SCNN1A: variants seen among roughly 807,000 people sequenced by gnomAD.
The protein encoded by SCNN1A is epithelial sodium channel subunit alpha.
In SCNN1A, 65 loss-of-function variants were observed where a neutral mutation model predicts 68.6. The observed-to-expected ratio is 0.95, with a 90% CI of 0.78 to 1.16. The LOEUF (loss-of-function observed/expected upper bound fraction) is 1.16. Ranked by LOEUF, SCNN1A falls within the 50% of genes most tolerant of loss-of-function variation. The pLI is 0.00. For synonymous variants in SCNN1A, 357 were observed against 353.3 expected, an observed-to-expected ratio of 1.01 and a Z score of -0.12; for missense variants, 880 against 865.9, an observed-to-expected ratio of 1.02 and a Z score of -0.20.
intron 4 of SCNN1A, among the ~76,000 whole-genome samples, chr12:6,358,303 G>T (rs1329425049): frequency 1.3e-5 from 2 of 152,186 alleles, no homozygotes; most frequent in African/African-American, 4.8e-5. Context: ...AGGAGGTAGA[G>T]AATTTAGAAC....
chr12:6,357,594 C>T (rs1948518657), intron 4 of SCNN1A, among the ~76,000 whole-genome samples: 1 of 151,772 alleles, frequency 6.6e-6, no homozygotes, highest in Non-Finnish European at 1.5e-5. Flanking sequence ...AGATCTATAA[C>T]ACAATACCAT....
At position 6,347,979 on chromosome 12, in the gene SCNN1A, G is replaced by A. The variant is rs1452831950; in HGVS notation, c.1904C>T (p.Pro635Leu). 6.4e-7 allele frequency: 1 copy of A among 1,569,248 alleles called. No homozygotes were observed. Among genetic ancestry groups the A allele is most frequent in the Non-Finnish European group, 8.7e-7 (1 of 1,153,714 alleles). The part of the protein sequence containing the change: ...SLSQPGPAPS[P>L]ALTAPPPAYA... The stretch of plus-strand genomic sequence containing the variant: ...GGCAGGGGGAGGGGCTGTCAAGGCT[G>A]GAGAGGGAGCAGGGCCTGGCTGGGA... Residue 635 changes from proline to leucine, a missense_variant, in exon 13 of 13, where the codon CCA (proline) becomes CTA (leucine). This residue lies in a region of SCNN1A where 758 missense variants were observed against 721.8 expected (regional missense o/e 1.05). Coordinates refer to ENST00000228916, the MANE Select transcript of SCNN1A (RefSeq NM_001038.6).
chr12:6,348,386 C>T, intron 12 of SCNN1A, 133 bp from the exon 13 acceptor site: 3 of 1,529,082 alleles, frequency 2.0e-6, no homozygotes, highest in Admixed American at 2.0e-5. Flanking sequence ...AGCCTCTCAG[C>T]AGCCCCCTGG....
chr12:6,356,313 G>T, intron 4 of SCNN1A: 1 of 246,406 alleles, frequency 4.1e-6, no homozygotes, highest in South Asian at 5.2e-5. Flanking sequence ...GTTCCCCATT[G>T]AATCATGAGC....
chr12:6,350,229 G>A (rs1182565658), intron 8 of SCNN1A, among the ~76,000 whole-genome samples: 5 of 146,478 alleles, frequency 3.4e-5, no homozygotes, highest in Non-Finnish European at 7.5e-5. Context: ...TCAAGAGATC[G>A]AGACCATCCT....
chr12:6,375,747 G>A, upstream of SCNN1A: 1 of 1,414,652 alleles, frequency 7.1e-7, no homozygotes, highest in Non-Finnish European at 9.2e-7. Flanking sequence ...AAGGAGGCTG[G>A]GGGACAGGAT....
intron 2 of SCNN1A, among the ~76,000 whole-genome samples, chr12:6,371,218 C>G (rs990758449): frequency 6.6e-6 from 1 of 152,048 alleles, no homozygotes; most frequent in Non-Finnish European, 1.5e-5. Context: ...AACCGATCTC[C>G]TCGGTAGGAG....
At chr12:6,357,339 T>C (rs545588475) in intron 4 of SCNN1A, among the ~76,000 whole-genome samples, 33 of 151,934 alleles carry the variant, frequency 2.2e-4, no homozygotes, top group South Asian at 8.3e-4. Flanking sequence ...TTTGGGAGGC[T>C]GAGACAGGTG....
upstream of SCNN1A, chr12:6,377,156 C>T (rs1362507535): frequency 9.8e-7 from 1 of 1,021,136 alleles, no homozygotes; most frequent in South Asian, 1.5e-5. Context: ...AGGGTCCAAC[C>T]TGGTCTGTGG....
In SCNN1A at chr12:6,360,866, C is replaced by T. The variant is rs552850279; in HGVS notation, c.875+1185G>A. Among the ~76,000 whole-genome samples the T allele has an allele frequency of 1.4e-3, 212 of 152,344 alleles. 1 individual carries two copies. In the Middle Eastern group the frequency reaches 0.02, roughly 15 times the overall value. ...TTGCAAGGACATTATAACAGGGGTC[C>T]TCACAGAATGAATACCCGAGGGGTA... On this transcript the variant is annotated intron_variant, in intron 4 of 12. Coordinates refer to ENST00000228916, the MANE Select transcript of SCNN1A (RefSeq NM_001038.6).
intron 1 of SCNN1A, chr12:6,375,199 ACTCCCTCTCT>A: frequency 7.0e-7 from 1 of 1,437,030 alleles, no homozygotes; most frequent in Non-Finnish European, 9.1e-7. Flanking sequence ...CCTGCCTCTC[ACTCCCTCTCT>A]ATCTGCCTTC....
intron 9 of SCNN1A, 46 bp downstream of exon 9, chr12:6,349,281 T>G: frequency 6.2e-7 from 1 of 1,613,292 alleles, no homozygotes; most frequent in Non-Finnish European, 8.5e-7. Context: ...CTTGGCTCGG[T>G]AACCTGTATT....
upstream of SCNN1A, among the ~76,000 whole-genome samples, chr12:6,376,557 G>A (rs1948913525): frequency 6.6e-6 from 1 of 152,242 alleles, no homozygotes; most frequent in South Asian, 2.1e-4. Flanking sequence ...GCCTAGACAG[G>A]CCCTGGGAGG....
chr12:6,375,534 C>T lies in SCNN1A; in HGVS notation c.-84G>A, dbSNP rs1948889715. 1 of 1,535,094 alleles carries T rather than the reference C, an allele frequency of 6.5e-7. No homozygotes were observed. The highest frequency in any genetic ancestry group is 2.0e-5 in the Admixed American group (1 of 50,934). On this transcript the variant is annotated 5_prime_UTR_variant, in exon 1 of 13. Transcript: ENST00000228916. ...CAGGTGCAGCGGCCTGGCTGGGGAGCCCGCCCGCTGGCCGGCCAGGGATGG... is the reference window on the plus strand; with the variant it reads ...CAGGTGCAGCGGCCTGGCTGGGGAGTCCGCCCGCTGGCCGGCCAGGGATGG...
At chr12:6,359,274 A>G (rs6489712) in intron 4 of SCNN1A, among the ~76,000 whole-genome samples, 1 of 152,060 alleles carries the variant, frequency 6.6e-6, no homozygotes, top group Non-Finnish European at 1.5e-5. Context: ...AAGTGTTATT[A>G]AAAAAAGATT....
upstream of SCNN1A, chr12:6,376,037 AG>A (rs1948902868): frequency 1.0e-6 from 1 of 992,158 alleles, no homozygotes; most frequent in African/African-American, 1.7e-5. Flanking sequence ...AAGGAGAGCA[AG>A]GGGGGAGTCC....
At chr12:6,352,356 T>C (rs888506945) in intron 8 of SCNN1A, among the ~76,000 whole-genome samples, 4 of 152,186 alleles carry the variant, frequency 2.6e-5, no homozygotes, top group African/African-American at 9.7e-5. Flanking sequence ...TCCTTCTTCA[T>C]TTCTGACCCA....
At chr12:6,363,419 G>T in intron 3 of SCNN1A, 24 bp downstream of exon 3, 1 of 1,508,684 alleles carries the variant, frequency 6.6e-7, no homozygotes, top group East Asian at 2.5e-5. Context: ...GGCGGGGCGG[G>T]CCCCTCGGCG....
rs766654014 is a variant in SCNN1A at position 6,347,322 on chromosome 12, C to A, written c.*551G>T. ...TTTACTTACCCGGGTCTGCTCTAGC[C>A]CTAGCCCTCGGGAGTCAGGGAAGGG... On this transcript the variant is annotated 3_prime_UTR_variant, in exon 13 of 13. Transcript: ENST00000228916. 1 of 165,594 alleles carries A rather than the reference C, an allele frequency of 6.0e-6. No individual in the cohort carries two copies. The highest frequency in any genetic ancestry group is 2.4e-5 in the African/African-American group (1 of 41,592). 10.3% of individuals were successfully genotyped at this position (165,594 alleles called of 1,614,324 possible).
Sources: allele counts gnomAD v4.1 joint callset (sites outside exome capture counted in the v4.1 genomes callset), GRCh38; gene constraint gnomAD v4.1.1; regional missense constraint gnomAD v4.1.1; transcripts MANE v1.5; gene names NCBI Gene and HGNC (gene_info 2026-07-23, HGNC 2026-07-21).